Variants in TULP4 observed in about 807,000 individuals in gnomAD.
TULP4 encodes the protein TUB like protein 4.
TULP4 carries 16 observed loss-of-function variants against 129.0 expected under a neutral mutation model. The ratio of observed to expected loss-of-function variants is 0.12; its 90% CI spans 0.08 to 0.19. The LOEUF (loss-of-function observed/expected upper bound fraction) is 0.19. Among genes scored for constraint, TULP4 ranks in the 10% least tolerant of loss-of-function variants. The pLI, the probability that TULP4 is intolerant of heterozygous loss-of-function variation, is 1.00. For synonymous variants in TULP4, 998 were observed against 854.0 expected, an observed-to-expected ratio of 1.17 and a Z score of -2.94; for missense variants, 1,842 against 2,059.1, an observed-to-expected ratio of 0.89 and a Z score of 2.04.
intron 1 of TULP4, among the ~76,000 whole-genome samples, chr6:158,295,745 G>T (rs1441085815): frequency 6.6e-6 from 1 of 152,128 alleles, no homozygotes; most frequent in Non-Finnish European, 1.5e-5. Context: ...AAAAAAATTA[G>T]CCGGGCCTGG....
intron 3 of TULP4, among the ~76,000 whole-genome samples, chr6:158,433,641 GCATTGCAGTGAACCGAGATGGCGC>G (rs1157138286): frequency 2.0e-5 from 3 of 152,208 alleles, no homozygotes; most frequent in Non-Finnish European, 4.4e-5. Flanking sequence ...AACCCAGGAG[GCATTGCAGTGAACCGAGATGGCGC>G]CATTGCACTC....
At chr6:158,249,515 G>C (rs554632269) in intron 1 of TULP4, among the ~76,000 whole-genome samples, 1 of 152,288 alleles carries the variant, frequency 6.6e-6, no homozygotes, top group African/African-American at 2.4e-5. Context: ...AGGTAGTGTA[G>C]GATTGGGATG....
intron 1 of TULP4, among the ~76,000 whole-genome samples, chr6:158,362,147 T>C (rs1418549302): frequency 8.5e-5 from 13 of 152,230 alleles, no homozygotes. Context: ...GCATCAGCTC[T>C]TGCCCAGGGA....
At chr6:158,249,525 G>A (rs1778097879) in intron 1 of TULP4, among the ~76,000 whole-genome samples, 1 of 152,196 alleles carries the variant, frequency 6.6e-6, no homozygotes, top group Non-Finnish European at 1.5e-5. Flanking sequence ...GGATTGGGAT[G>A]CTGCCCAGAA....
chr6:158,345,058 A>T (rs931181061), intron 1 of TULP4, among the ~76,000 whole-genome samples: 3 of 152,256 alleles, frequency 2.0e-5, no homozygotes, highest in Non-Finnish European at 4.4e-5. Context: ...AGACTAATCC[A>T]AAGAATGTCC....
At chr6:158,383,602 G>A (rs1398868438) in intron 1 of TULP4, among the ~76,000 whole-genome samples, 1 of 152,208 alleles carries the variant, frequency 6.6e-6, no homozygotes, top group African/African-American at 2.4e-5. Context: ...GCCCACCCCA[G>A]GTGAGTCCAC....
chr6:158,366,573 A>G (rs1289749720), intron 1 of TULP4, among the ~76,000 whole-genome samples: 1 of 152,094 alleles, frequency 6.6e-6, no homozygotes, highest in African/African-American at 2.4e-5. Flanking sequence ...CTCTGCTCCC[A>G]TCCTTCCTAA....
At chr6:158,364,301 G>A (rs1019081790) in intron 1 of TULP4, among the ~76,000 whole-genome samples, 2 of 152,166 alleles carry the variant, frequency 1.3e-5, no homozygotes, top group Non-Finnish European at 2.9e-5. Context: ...ACTAACTTGG[G>A]AGTCAACATG....
At chr6:158,418,449 T>A (rs535411407) in intron 2 of TULP4, among the ~76,000 whole-genome samples, 18 of 151,772 alleles carry the variant, frequency 1.2e-4, no homozygotes, top group African/African-American at 4.4e-4. Flanking sequence ...TTTCTCTGGT[T>A]TTGTTTTTCC....
chr6:158,324,518 C>T (rs1263777561), intron 1 of TULP4, among the ~76,000 whole-genome samples: 1 of 152,198 alleles, frequency 6.6e-6, no homozygotes, highest in African/African-American at 2.4e-5. Flanking sequence ...CTAGGCTAGA[C>T]TCTGTTGGGC....
chr6:158,245,864 G>C (rs1208697111), intron 1 of TULP4, among the ~76,000 whole-genome samples: 1 of 152,196 alleles, frequency 6.6e-6, no homozygotes, highest in Non-Finnish European at 1.5e-5. Context: ...TGAAGGCTGA[G>C]CCGAGAGGAT....
rs148951244 is a variant in TULP4, at chr6:158,468,285, G to T, written c.1026+6556G>T. On this transcript the variant is annotated intron_variant, in intron 6 of 13. Transcript: ENST00000367097. ...ACAAGCTAGGTAGGTAAACTACGCT[G>T]CCTTTCTTTATTACTATTTTAATTT... Among the ~76,000 whole-genome samples, 355 of 152,314 alleles carry T rather than the reference G, an allele frequency of 2.3e-3. 1 individual carries two copies. Among genetic ancestry groups the T allele is most frequent in the African/African-American group, 7.9e-3 (329 of 41,562 alleles).
intron 6 of TULP4, among the ~76,000 whole-genome samples, chr6:158,478,920 C>T (rs1006004088): frequency 2.6e-5 from 4 of 152,192 alleles, no homozygotes; most frequent in Admixed American, 6.5e-5. Context: ...TCTCCTCAAT[C>T]GCCTTTCCAG....
chr6:158,234,337 T>TGAA (rs1777649070), intron 1 of TULP4, among the ~76,000 whole-genome samples: 1 of 128,298 alleles, frequency 7.8e-6, no homozygotes, highest in Non-Finnish European at 1.7e-5. Context: ...TGGCGAGTAA[T>TGAA]GGAAGAGTCA....
upstream of TULP4, among the ~76,000 whole-genome samples, chr6:158,309,551 G>C (rs1779298237): frequency 6.6e-6 from 1 of 152,056 alleles, no homozygotes; most frequent in Non-Finnish European, 1.5e-5. Context: ...GCTGGGAGAT[G>C]GAGGTTGTAG....
upstream of TULP4, among the ~76,000 whole-genome samples, chr6:158,278,165 C>T (rs185706436): frequency 1.3e-5 from 2 of 152,280 alleles, no homozygotes; most frequent in East Asian, 3.9e-4. Flanking sequence ...GTGGACTGCC[C>T]TCTGTTTGCA....
intron 3 of TULP4, among the ~76,000 whole-genome samples, chr6:158,438,420 C>A (rs893373987): frequency 2.0e-5 from 3 of 152,162 alleles, no homozygotes; most frequent in Non-Finnish European, 4.4e-5. Context: ...CTGCTCATGG[C>A]TCTGGAGGAG....
intron 1 of TULP4, among the ~76,000 whole-genome samples, chr6:158,352,548 C>T (rs1562531628): frequency 1.3e-5 from 2 of 152,152 alleles, no homozygotes; most frequent in Non-Finnish European, 2.9e-5. Flanking sequence ...AGGTGCCCAC[C>T]ACCACGCCTG....
chr6:158,399,681 T>G (rs987615476), intron 1 of TULP4, among the ~76,000 whole-genome samples: 1 of 121,730 alleles, frequency 8.2e-6, no homozygotes, highest in Non-Finnish European at 1.8e-5. Context: ...TAACGCTTAT[T>G]GAATCTTTCT....
Sources: allele counts gnomAD v4.1 joint callset (sites outside exome capture counted in the v4.1 genomes callset), GRCh38; gene constraint gnomAD v4.1.1; transcripts MANE v1.5; gene names NCBI Gene and HGNC (gene_info 2026-07-23, HGNC 2026-07-21).